The following GOLGB1 variants were observed in gnomAD, a reference collection of about 807,000 sequenced individuals.
GOLGB1 encodes the protein golgin B1.
Under a neutral mutation model 336.9 loss-of-function variants are expected in GOLGB1, and 174 were observed. The ratio of observed to expected loss-of-function variants is 0.52; its 90% CI spans 0.46 to 0.59. GOLGB1 has a LOEUF of 0.59. GOLGB1 is among the 20% of genes least tolerant of loss of function. The pLI is 0.00. For missense variants in GOLGB1, 3,331 were observed against 3,645.3 expected (o/e 0.91, Z 2.22); for synonymous variants, 1,208 against 1,289.2 (o/e 0.94, Z 1.35).
rs558058840 is a variant in GOLGB1, at chr3:121,688,110, G to A, written c.8694+2560C>T. Among the ~76,000 whole-genome samples the A allele has an allele frequency of 3.0e-4, 46 of 152,232 alleles. No homozygotes were observed. In the South Asian group the frequency reaches 8.3e-3, roughly 27 times the overall value. On this transcript the variant is annotated intron_variant, in intron 14 of 21. Transcript: ENST00000614479. ...AAGGAAAAACTCACTCTACAGTTAG[G>A]GGTAATAATCTTTTCACTAGAGCTC...
rs201355811 is a variant in GOLGB1 at position 121,677,468 on chromosome 3, C to T, written c.8874-18G>A. The stretch of plus-strand genomic sequence containing the variant: ...TCTCCATCCTAGAAAAAACATGACA[C>T]AATCACAGGTAAAAATATACTTGTA... On this transcript the variant is annotated intron_variant, in intron 15 of 21. Coordinates refer to ENST00000614479, the MANE Select transcript of GOLGB1 (RefSeq NM_001366282.2). 3.2e-6 allele frequency: 5 copies of T among 1,580,258 alleles called. No homozygotes were observed. Among genetic ancestry groups the T allele is most frequent in the East Asian group, 4.5e-5 (2 of 44,674 alleles).
chr3:121,704,606 C>T (rs914156781), intron 10 of GOLGB1, among the ~76,000 whole-genome samples: 1 of 151,706 alleles, frequency 6.6e-6, no homozygotes, highest in Non-Finnish European at 1.5e-5. Flanking sequence ...GGAGAAACTC[C>T]GTCTCTACTA....
At chr3:121,713,792 C>T (rs996376682) in intron 10 of GOLGB1, among the ~76,000 whole-genome samples, 1 of 151,894 alleles carries the variant, frequency 6.6e-6, no homozygotes, top group Admixed American at 6.6e-5. Flanking sequence ...AGAAAAAGAA[C>T]AATTATAAAT....
intron 5 of GOLGB1, among the ~76,000 whole-genome samples, chr3:121,723,942 A>T (rs142472461): frequency 6.6e-6 from 1 of 152,254 alleles, no homozygotes; most frequent in East Asian, 1.9e-4. Context: ...AGTAGCCCCC[A>T]CTAGCAAGAG....
At chr3:121,687,196 A>G (rs578183609) in intron 14 of GOLGB1, among the ~76,000 whole-genome samples, 1 of 152,312 alleles carries the variant, frequency 6.6e-6, no homozygotes, top group African/African-American at 2.4e-5. Context: ...TGGGAGGCGG[A>G]GGTTGCAGTG....
In GOLGB1 at chr3:121,695,169, T is replaced by C. The variant is rs745887746; in HGVS notation, c.5354A>G (p.Asp1785Gly). Residue 1785 changes from aspartate to glycine, a missense_variant, in exon 13 of 22, where the codon GAT becomes GGT. Physicochemically the swap from Asp to Gly is moderately conservative, Grantham distance 94. Coordinates refer to ENST00000614479, the MANE Select transcript of GOLGB1 (RefSeq NM_001366282.2). ...CTCTTCAGTGACATTCGTTTGGTTA[T>C]CATGTTTCTCGGTGGCCTCTAGGTT... is the stretch of plus-strand genomic sequence containing the variant. Reference protein sequence around the residue: ...QANLEATEKHDNQTNVTEEGT... With the variant: ...QANLEATEKHGNQTNVTEEGT... 1 of 1,614,004 alleles carries C rather than the reference T, an allele frequency of 6.2e-7. No homozygotes were observed. Among genetic ancestry groups the C allele is most frequent in the South Asian group, 1.1e-5 (1 of 91,070 alleles).
chr3:121,737,306 C>T (rs1034385792), intron 1 of GOLGB1, among the ~76,000 whole-genome samples: 5 of 152,316 alleles, frequency 3.3e-5, no homozygotes, highest in East Asian at 3.9e-4. Flanking sequence ...CATTAGTTTA[C>T]GTGATTATGC....
intron 10 of GOLGB1, among the ~76,000 whole-genome samples, chr3:121,704,113 G>T (rs1479354915): frequency 6.1e-5 from 9 of 147,900 alleles, no homozygotes; most frequent in Admixed American, 2.0e-4. Flanking sequence ...GAAGACAGAA[G>T]AATAAAAAAA....
At chr3:121,737,828 T>C (rs1481841403) in intron 1 of GOLGB1, among the ~76,000 whole-genome samples, 2 of 152,112 alleles carry the variant, frequency 1.3e-5, no homozygotes, top group African/African-American at 2.4e-5. Context: ...TAATAGATTG[T>C]CTTGGGTAAT....
In GOLGB1 at chr3:121,728,940, C is replaced by T. The variant is rs146563264; in HGVS notation, c.402+248G>A. Among the ~76,000 whole-genome samples, 55 of 152,278 alleles carry T rather than the reference C, an allele frequency of 3.6e-4. No individual in the cohort carries two copies. In the East Asian group the frequency reaches 0.01, roughly 28 times the overall value. On this transcript the variant is annotated intron_variant, in intron 4 of 21. Transcript: ENST00000614479. ...TTCAGTACTTATTTCTTCCTGTAAG[C>T]CTTTTTTAATCCCTGAAAGTCCAGG...
In GOLGB1 at chr3:121,714,952, T is replaced by C. The variant is rs1239142710; in HGVS notation, c.1313A>G (p.Glu438Gly). The change falls in exon 10 of 22, where the codon GAA (glutamate) becomes GGA (glycine). Residue 438 changes from glutamate to glycine, a missense_variant. Glu to Gly is a moderately conservative substitution (Grantham distance 98). Transcript: ENST00000614479. ...CAGTCTATTTAGAAATTGGCTAATT[T>C]CTTTGGATTTTTGCTGGAGCTGATC... ...LEDQLQQKSK[E>G]ISQFLNRLPL... is the part of the protein sequence containing the mutation. 6.2e-7 allele frequency: 1 copy of C among 1,610,522 alleles called. No individual in the cohort carries two copies. Among genetic ancestry groups the C allele is most frequent in the Non-Finnish European group, 8.5e-7 (1 of 1,176,892 alleles).
chr3:121,727,308 ATATATATATATATTTT>A, intron 4 of GOLGB1, among the ~76,000 whole-genome samples: 4 of 30,958 alleles, frequency 1.3e-4, no homozygotes, highest in African/African-American at 2.4e-4. Context: ...ATATATATAT[ATATATATATATATTTT>A]TTTTTTTTTT....
In GOLGB1 at chr3:121,697,394, T is replaced by C. The variant is rs778751501; in HGVS notation, c.3129A>G (p.Glu1043=). The change falls in exon 13 of 22, where the codon GAA becomes GAG. Residue 1043 remains glutamate (E), a synonymous_variant. Transcript: ENST00000614479. ...PLSETERGEV[E]EDKENKEYSE... ...AGTATTCTTTGTTTTCTTTATCTTC[T>C]TCCACTTCTCCCCTCTCAGTCTCAC... is the stretch of plus-strand genomic sequence containing the variant. The C allele has an allele frequency of 1.2e-6, 2 of 1,613,562 alleles. No homozygotes were observed. Among genetic ancestry groups the C allele is most frequent in the South Asian group, 2.2e-5 (2 of 91,034 alleles).
intron 1 of GOLGB1, among the ~76,000 whole-genome samples, chr3:121,742,177 G>C (rs1482185799): frequency 6.6e-6 from 1 of 152,138 alleles, no homozygotes. Flanking sequence ...TAAGCAAAAA[G>C]AACAAAGCTG....
chr3:121,723,092 G>A (rs188142929), intron 5 of GOLGB1, among the ~76,000 whole-genome samples: 2 of 152,270 alleles, frequency 1.3e-5, no homozygotes, highest in Admixed American at 1.3e-4. Flanking sequence ...GTCTACAAAC[G>A]TATTGTATAA....
At chr3:121,688,259 C>T (rs1941974691) in intron 14 of GOLGB1, among the ~76,000 whole-genome samples, 1 of 152,228 alleles carries the variant, frequency 6.6e-6, no homozygotes, top group Admixed American at 6.5e-5. Context: ...TGTACTGCTG[C>T]CATCTCGGCT....
intron 10 of GOLGB1, among the ~76,000 whole-genome samples, chr3:121,711,655 C>A (rs1311716279): frequency 1.3e-5 from 2 of 151,972 alleles, no homozygotes; most frequent in African/African-American, 4.8e-5. Context: ...AGAATATAAG[C>A]TTAATAAAAT....
intron 1 of GOLGB1, among the ~76,000 whole-genome samples, chr3:121,742,697 T>G (rs1004620166): frequency 2.5e-4 from 38 of 152,040 alleles, no homozygotes; most frequent in East Asian, 5.8e-4. Context: ...CAGAATGGGA[T>G]AAAATTTTTG....
At chr3:121,685,647 A>G (rs145402271) in intron 14 of GOLGB1, among the ~76,000 whole-genome samples, 1 of 152,242 alleles carries the variant, frequency 6.6e-6, no homozygotes, top group East Asian at 1.9e-4. Context: ...TGTTAGTGTA[A>G]AGAAAATCAA....
Sources: allele counts gnomAD v4.1 joint callset (sites outside exome capture counted in the v4.1 genomes callset), GRCh38; gene constraint gnomAD v4.1.1; transcripts MANE v1.5; gene names NCBI Gene and HGNC (gene_info 2026-07-23, HGNC 2026-07-21).